The following MYO3B variants were observed in gnomAD, a reference collection of about 807,000 sequenced individuals.
MYO3B encodes myosin IIIB, also known as myosin-IIIb.
Under a neutral mutation model 174.6 loss-of-function variants are expected in MYO3B, and 156 were observed. That is an observed-to-expected ratio of 0.89 (90% CI 0.78 to 1.02). The LOEUF (loss-of-function observed/expected upper bound fraction) is 1.02. MYO3B is among the 50% of genes least tolerant of loss of function. The pLI is 0.00. For missense variants in MYO3B, 1,632 were observed against 1,639.4 expected (o/e 1.00, Z 0.08); for synonymous variants, 563 against 569.1 (o/e 0.99, Z 0.15).
intron 32 of MYO3B, among the ~76,000 whole-genome samples, chr2:170,604,231 T>A (rs1257901823): frequency 6.6e-6 from 1 of 152,092 alleles, no homozygotes; most frequent in Non-Finnish European, 1.5e-5. Flanking sequence ...AAGCACAGAG[T>A]GTGTAAATAT....
chr2:170,469,900 C>T (rs941246813), intron 25 of MYO3B, among the ~76,000 whole-genome samples: 21 of 151,772 alleles, frequency 1.4e-4, no homozygotes, highest in African/African-American at 4.1e-4. Context: ...GTCGGGAGTT[C>T]GAGACCAGCC....
At chr2:170,235,822 A>G (rs1355177509) in intron 6 of MYO3B, among the ~76,000 whole-genome samples, 169 bp from the exon 7 acceptor site, 1 of 152,254 alleles carries the variant, frequency 6.6e-6, no homozygotes, top group Non-Finnish European at 1.5e-5. Context: ...ATAAGATAAT[A>G]AATTGGTTAT....
At chr2:170,519,160 C>G (rs1315501467) in intron 29 of MYO3B, among the ~76,000 whole-genome samples, 1 of 152,070 alleles carries the variant, frequency 6.6e-6, no homozygotes, top group African/African-American at 2.4e-5. Context: ...TCACTTGGGG[C>G]CTCTAATCTG....
At chr2:170,630,211 C>T (rs1019014361) in intron 32 of MYO3B, among the ~76,000 whole-genome samples, 1 of 152,302 alleles carries the variant, frequency 6.6e-6, no homozygotes, top group East Asian at 1.9e-4. Flanking sequence ...CTAAACGTGG[C>T]ACTTTTCTGA....
intron 30 of MYO3B, among the ~76,000 whole-genome samples, chr2:170,531,122 A>T (rs139412953): frequency 4.7e-4 from 71 of 152,258 alleles, no homozygotes; most frequent in African/African-American, 1.7e-3. Context: ...CTCTTTCTTT[A>T]TGCTTTCCTT....
chr2:170,614,531 C>T (rs1042652384), intron 32 of MYO3B, among the ~76,000 whole-genome samples: 1 of 152,186 alleles, frequency 6.6e-6, no homozygotes, highest in East Asian at 1.9e-4. Flanking sequence ...CCTTCTCTCA[C>T]CAGCACTTAC....
intron 6 of MYO3B, among the ~76,000 whole-genome samples, chr2:170,222,666 T>C (rs1217642087): frequency 6.6e-6 from 1 of 152,210 alleles, no homozygotes; most frequent in Non-Finnish European, 1.5e-5. Flanking sequence ...TACTCCAGTA[T>C]GACCTCATCT....
chr2:170,614,067 T>C (rs188197523), intron 32 of MYO3B, among the ~76,000 whole-genome samples: 117 of 152,216 alleles, frequency 7.7e-4, no homozygotes, highest in African/African-American at 2.7e-3. Context: ...ATTTCATCCC[T>C]CTCTTCAATC....
intron 30 of MYO3B, among the ~76,000 whole-genome samples, chr2:170,530,318 T>C (rs1689277157): frequency 6.6e-6 from 1 of 152,174 alleles, no homozygotes; most frequent in Admixed American, 6.5e-5. Context: ...ATCAACACAG[T>C]CTGGAGACGC....
chr2:170,241,602 G>A (rs956514312), intron 7 of MYO3B, among the ~76,000 whole-genome samples: 3 of 152,164 alleles, frequency 2.0e-5, no homozygotes, highest in East Asian at 1.9e-4. Context: ...AAGGTGAAAC[G>A]GAGAGAGTTT....
chr2:170,541,942 A>G (rs931137243), intron 30 of MYO3B, among the ~76,000 whole-genome samples: 3 of 152,224 alleles, frequency 2.0e-5, no homozygotes, highest in Admixed American at 2.0e-4. Flanking sequence ...ATCCACAAAT[A>G]AATATACGGA....
intron 25 of MYO3B, among the ~76,000 whole-genome samples, chr2:170,491,477 G>A (rs932267492): frequency 5.3e-5 from 8 of 151,562 alleles, no homozygotes; most frequent in Admixed American, 3.9e-4. Context: ...ACAGGCTGGA[G>A]TGCAGTGGCG....
chr2:170,233,318 T>C (rs2093033668), intron 6 of MYO3B, among the ~76,000 whole-genome samples: 1 of 152,236 alleles, frequency 6.6e-6, no homozygotes, highest in Non-Finnish European at 1.5e-5. Flanking sequence ...TAGCTCCTAT[T>C]GGGGAAGGAC....
At chr2:170,398,051 A>G (rs1004308900) in intron 16 of MYO3B, among the ~76,000 whole-genome samples, 2 of 151,808 alleles carry the variant, frequency 1.3e-5, no homozygotes, top group Non-Finnish European at 2.9e-5. Flanking sequence ...GTGAAATGCC[A>G]TCTCTACTAA....
chr2:170,181,576 C>A (rs2092398791), intron 1 of MYO3B, among the ~76,000 whole-genome samples: 1 of 152,078 alleles, frequency 6.6e-6, no homozygotes, highest in African/African-American at 2.4e-5. Flanking sequence ...TTCCTAGATT[C>A]CTGTATCAGA....
At chr2:170,280,080 C>T (rs904635472) in intron 7 of MYO3B, among the ~76,000 whole-genome samples, 6 of 152,182 alleles carry the variant, frequency 3.9e-5, no homozygotes, top group African/African-American at 1.4e-4. Flanking sequence ...ACACTCCCAC[C>T]AACAGTGTAT....
At chr2:170,481,341 C>G (rs1305846392) in intron 25 of MYO3B, among the ~76,000 whole-genome samples, 1 of 152,176 alleles carries the variant, frequency 6.6e-6, no homozygotes, top group Non-Finnish European at 1.5e-5. Context: ...GCCTGTAACC[C>G]CAGGAGGCCA....
intron 8 of MYO3B, among the ~76,000 whole-genome samples, chr2:170,343,173 C>T (rs1474354746): frequency 1.3e-5 from 2 of 152,072 alleles, no homozygotes; most frequent in Non-Finnish European, 2.9e-5. Flanking sequence ...ATGTGGTAGG[C>T]TTACGACTGT....
chr2:170,613,109 T>C (rs1695222735), intron 32 of MYO3B, among the ~76,000 whole-genome samples: 1 of 152,168 alleles, frequency 6.6e-6, no homozygotes, highest in Non-Finnish European at 1.5e-5. Flanking sequence ...CTGCAGGAAC[T>C]TCCCAGCTAC....
Sources: allele counts gnomAD v4.1 joint callset (sites outside exome capture counted in the v4.1 genomes callset), GRCh38; gene constraint gnomAD v4.1.1; transcripts MANE v1.5; gene names NCBI Gene and HGNC (gene_info 2026-07-23, HGNC 2026-07-21).